Variants in ST3GAL3 observed in about 807,000 individuals in gnomAD.
ST3GAL3 encodes the protein CMP-N-acetylneuraminate-beta-1,4-galactoside alpha-2,3-sialyltransferase.
In ST3GAL3, 21 loss-of-function variants were observed where a neutral mutation model predicts 50.1. The observed-to-expected ratio is 0.42, with a 90% CI of 0.30 to 0.60. The LOEUF is 0.60. Among genes scored for constraint, ST3GAL3 ranks in the 20% least tolerant of loss-of-function variants. The pLI, the probability that ST3GAL3 is intolerant of heterozygous loss-of-function variation, is 0.19. For synonymous variants in ST3GAL3, 183 were observed against 190.0 expected, an observed-to-expected ratio of 0.96 and a Z score of 0.30; for missense variants, 353 against 489.4, an observed-to-expected ratio of 0.72 and a Z score of 2.63.
intron 9 of ST3GAL3, among the ~76,000 whole-genome samples, chr1:43,910,837 G>A (rs922166357): frequency 3.1e-4 from 47 of 152,220 alleles, no homozygotes; most frequent in African/African-American, 1.1e-3. Flanking sequence ...CCTGAGAGAG[G>A]CATCTGCCCT....
At chr1:43,746,203 T>C (rs959685524) in intron 2 of ST3GAL3, among the ~76,000 whole-genome samples, 5 of 152,198 alleles carry the variant, frequency 3.3e-5, no homozygotes, top group African/African-American at 1.2e-4. Flanking sequence ...CTTGAAGGCA[T>C]CATGTTAAAT....
chr1:43,879,922 A>G (rs1052049328), intron 5 of ST3GAL3, among the ~76,000 whole-genome samples: 1 of 152,066 alleles, frequency 6.6e-6, no homozygotes, highest in Admixed American at 6.5e-5. Flanking sequence ...TCCTGCTCCT[A>G]CTTCTGGGCT....
At chr1:43,881,515 GCA>G (rs985577576) in intron 5 of ST3GAL3, among the ~76,000 whole-genome samples, 2 of 152,214 alleles carry the variant, frequency 1.3e-5, no homozygotes, top group Non-Finnish European at 2.9e-5. Flanking sequence ...CAGCTTCTCA[GCA>G]CACAGTTTCC....
At chr1:43,765,056 G>C (rs1197985858) in intron 2 of ST3GAL3, among the ~76,000 whole-genome samples, 1 of 152,214 alleles carries the variant, frequency 6.6e-6, no homozygotes. Flanking sequence ...TCATTTTAGT[G>C]TCAGGGTGAA....
chr1:43,929,936 G>T, intron 11 of ST3GAL3, 196 bp from the exon 12 acceptor site: 1 of 739,022 alleles, frequency 1.4e-6, no homozygotes. Context: ...GTCTTGGGAA[G>T]GGAGGAGGAT....
In ST3GAL3 at chr1:43,710,436, A is replaced by T. The variant is rs148475162; in HGVS notation, c.-31+2743A>T. 4.9e-3 allele frequency among the ~76,000 whole-genome samples: 740 copies of T among 152,204 alleles called. 6 individuals are homozygous for T. The highest frequency in any genetic ancestry group is 0.017 in the African/African-American group (707 of 41,510). Reference sequence around the variant, plus strand: ...CATCACACTGATCTGGGGCCATTGGACCATTCCTGTGAATTACCACAGAAA... The same window carrying T: ...CATCACACTGATCTGGGGCCATTGGTCCATTCCTGTGAATTACCACAGAAA... On this transcript the variant is annotated intron_variant, in intron 1 of 11. Coordinates refer to ENST00000347631, the MANE Select transcript of ST3GAL3 (RefSeq NM_006279.5).
intron 5 of ST3GAL3, among the ~76,000 whole-genome samples, chr1:43,853,524 C>T (rs769931465): frequency 6.6e-6 from 1 of 152,194 alleles, no homozygotes. Context: ...ATTTAACAAC[C>T]GCCTTCTACT....
chr1:43,857,634 T>TCCTTCCTC (rs2068836329), intron 5 of ST3GAL3, among the ~76,000 whole-genome samples: 1 of 145,924 alleles, frequency 6.9e-6, no homozygotes, highest in South Asian at 2.3e-4. Flanking sequence ...CTTCCTTCCT[T>TCCTTCCTC]CCTCGGAGTC....
At chr1:43,865,475 C>T (rs1030088756) in intron 5 of ST3GAL3, among the ~76,000 whole-genome samples, 1 of 152,128 alleles carries the variant, frequency 6.6e-6, no homozygotes, top group Non-Finnish European at 1.5e-5. Flanking sequence ...TCCTTCCCTC[C>T]CCTTCCTCTA....
chr1:43,752,102 C>G (rs1054450302), intron 2 of ST3GAL3, among the ~76,000 whole-genome samples: 1 of 152,166 alleles, frequency 6.6e-6, no homozygotes, highest in African/African-American at 2.4e-5. Flanking sequence ...CAGGTGTGAG[C>G]CACTGCGCCC....
intron 3 of ST3GAL3, among the ~76,000 whole-genome samples, chr1:43,814,271 A>G (rs906859827): frequency 2.0e-5 from 3 of 152,204 alleles, no homozygotes; most frequent in Non-Finnish European, 4.4e-5. Flanking sequence ...ACTCCATACA[A>G]TTTTATAGAA....
intron 2 of ST3GAL3, among the ~76,000 whole-genome samples, chr1:43,776,098 A>G (rs1413838656): frequency 1.3e-5 from 2 of 152,220 alleles, no homozygotes; most frequent in Non-Finnish European, 2.9e-5. Flanking sequence ...GGTTTTTAGT[A>G]TATCCACAGA....
chr1:43,823,423 C>T (rs1376058324), intron 4 of ST3GAL3, among the ~76,000 whole-genome samples: 1 of 152,146 alleles, frequency 6.6e-6, no homozygotes, highest in African/African-American at 2.4e-5. Context: ...TTGGCATTTG[C>T]TCATTCCCTT....
At chr1:43,815,989 C>T (rs1232946809) in intron 4 of ST3GAL3, among the ~76,000 whole-genome samples, 4 of 152,066 alleles carry the variant, frequency 2.6e-5, no homozygotes, top group Admixed American at 2.6e-4. Context: ...AGTTGCAGCT[C>T]TCTCTACTCT....
At chr1:43,839,899 T>G (rs748257972) in intron 5 of ST3GAL3, 2 of 152,056 alleles carry the variant, frequency 1.3e-5, no homozygotes, top group Non-Finnish European at 2.9e-5. Context: ...AACAACCAGA[T>G]CTCACAAGAA....
At chr1:43,786,675 A>G (rs1376842490) in intron 2 of ST3GAL3, among the ~76,000 whole-genome samples, 1 of 152,096 alleles carries the variant, frequency 6.6e-6, no homozygotes, top group Admixed American at 6.5e-5. Context: ...TATCTCCCTG[A>G]CTAAAACAAA....
intron 5 of ST3GAL3, chr1:43,841,868 A>AGTC (rs2065432840): frequency 1.3e-5 from 2 of 152,148 alleles, no homozygotes; most frequent in African/African-American, 4.8e-5. Flanking sequence ...TTCCCTTTTA[A>AGTC]ATATAAATTC....
intron 5 of ST3GAL3, chr1:43,841,292 A>G (rs2065335188): frequency 6.6e-6 from 1 of 152,212 alleles, no homozygotes; most frequent in African/African-American, 2.4e-5. Context: ...GAAGGCTCCA[A>G]TCCCATGTTT....
chr1:43,869,198 A>G lies in ST3GAL3; in HGVS notation c.303-25185A>G, dbSNP rs367928840. 1.4e-3 allele frequency among the ~76,000 whole-genome samples: 218 copies of G among 152,310 alleles called. 2 individuals carry two copies. The highest frequency in any genetic ancestry group is 0.014 in the Middle Eastern group (4 of 294). The stretch of plus-strand genomic sequence containing the variant: ...CTGCAGAAACAGCCCATTCATTTCA[A>G]GATACTCATCAGTAATTGGAGAGGT... On this transcript the variant is annotated intron_variant, in intron 5 of 11. Transcript: ENST00000347631.
Sources: allele counts gnomAD v4.1 joint callset (sites outside exome capture counted in the v4.1 genomes callset), GRCh38; gene constraint gnomAD v4.1.1; transcripts MANE v1.5; gene names NCBI Gene and HGNC (gene_info 2026-07-23, HGNC 2026-07-21).